The following ME1 variants were observed in gnomAD, a reference collection of about 807,000 sequenced individuals.
ME1 encodes malic enzyme 1, also known as NADP-dependent malic enzyme.
ME1 carries 74 observed loss-of-function variants against 66.4 expected under a neutral mutation model. The ratio of observed to expected loss-of-function variants is 1.11; its 90% CI spans 0.92 to 1.35. The LOEUF (loss-of-function observed/expected upper bound fraction) is 1.35, where lower values mean the gene tolerates loss of function less well. Ranked by LOEUF, ME1 falls within the 40% of genes most tolerant of loss-of-function variation. The probability of loss-of-function intolerance (pLI) is 0.00; values close to 1 mark genes in which losing one functional copy is unlikely to be tolerated. For synonymous variants in ME1, 251 were observed against 235.6 expected (o/e 1.07, Z -0.60); for missense variants, 750 against 694.1 (o/e 1.08, Z -0.90).
chr6:83,351,212 T>C (rs9444065), intron 4 of ME1, among the ~76,000 whole-genome samples: 8,858 of 152,056 alleles, frequency 0.058, 478 homozygotes, highest in African/African-American at 0.14. Context: ...CTGAGCAACA[T>C]AGTGGGACTT....
chr6:83,320,889 G>T (rs541663368), intron 5 of ME1, among the ~76,000 whole-genome samples: 1 of 152,264 alleles, frequency 6.6e-6, no homozygotes, highest in South Asian at 2.1e-4. Flanking sequence ...AACAGCTCCG[G>T]TCTGCAGCTC....
chr6:83,406,968 T>TCACACACACACACACACACACA (rs1769956244), intron 2 of ME1, among the ~76,000 whole-genome samples: 2 of 117,050 alleles, frequency 1.7e-5, no homozygotes, highest in Admixed American at 9.7e-5. Context: ...ATATTTTCAT[T>TCACACACACACACACACACACA]CATACACACA....
At chr6:83,342,982 C>A (rs2128543357) in intron 5 of ME1, among the ~76,000 whole-genome samples, 1 of 152,294 alleles carries the variant, frequency 6.6e-6, no homozygotes, top group Non-Finnish European at 1.5e-5. Context: ...CCACCCCCGG[C>A]CACCTTGCGT....
intron 12 of ME1, among the ~76,000 whole-genome samples, chr6:83,222,128 C>T (rs1790105916): frequency 6.6e-6 from 1 of 152,044 alleles, no homozygotes; most frequent in African/African-American, 2.4e-5. Flanking sequence ...TGCAGGTAAC[C>T]AAAACTCTGA....
intron 6 of ME1, among the ~76,000 whole-genome samples, chr6:83,294,709 C>A (rs1282128787): frequency 3.3e-5 from 5 of 152,182 alleles, no homozygotes; most frequent in African/African-American, 1.2e-4. Flanking sequence ...ACATCTCCAG[C>A]AAGCTGCAGT....
At chr6:83,216,451 A>T (rs754838498) in intron 13 of ME1, 47 bp downstream of exon 13, 1 of 1,291,710 alleles carries the variant, frequency 7.7e-7, no homozygotes, top group Non-Finnish European at 1.1e-6. Context: ...CATATTTAGC[A>T]AGAAAAGGAA....
intron 6 of ME1, among the ~76,000 whole-genome samples, chr6:83,284,747 T>C (rs1440923070): frequency 6.6e-6 from 1 of 152,140 alleles, no homozygotes; most frequent in African/African-American, 2.4e-5. Flanking sequence ...AACATCATAT[T>C]AAACTGACAA....
chr6:83,327,561 G>A (rs576349541), intron 5 of ME1, among the ~76,000 whole-genome samples: 9 of 152,160 alleles, frequency 5.9e-5, no homozygotes, highest in South Asian at 2.1e-4. Flanking sequence ...GGAAATTCCC[G>A]CCTAACAAAT....
intron 13 of ME1, among the ~76,000 whole-genome samples, chr6:83,216,071 A>C (rs1339930439): frequency 2.6e-5 from 4 of 152,294 alleles, no homozygotes; most frequent in Non-Finnish European, 5.9e-5. Context: ...GTGATCTGTC[A>C]TTTATGATGC....
intron 12 of ME1, among the ~76,000 whole-genome samples, chr6:83,221,621 T>C (rs1452010543): frequency 6.6e-6 from 1 of 152,130 alleles, no homozygotes; most frequent in Non-Finnish European, 1.5e-5. Flanking sequence ...CAGTAGGGCA[T>C]GTCTGTGGAA....
chr6:83,374,576 G>T (rs149775042), intron 3 of ME1, among the ~76,000 whole-genome samples: 2 of 152,038 alleles, frequency 1.3e-5, no homozygotes, highest in African/African-American at 4.8e-5. Flanking sequence ...AGTTTCTTTT[G>T]CTGTGCAGAA....
chr6:83,382,809 A>G (rs1323202497), intron 3 of ME1, among the ~76,000 whole-genome samples: 1 of 150,522 alleles, frequency 6.6e-6, no homozygotes, highest in Non-Finnish European at 1.5e-5. Flanking sequence ...AGATTGGTCT[A>G]GGAATATGTA....
intron 3 of ME1, among the ~76,000 whole-genome samples, chr6:83,374,396 C>T (rs907134561): frequency 6.6e-6 from 1 of 152,184 alleles, no homozygotes; most frequent in Non-Finnish European, 1.5e-5. Flanking sequence ...ACATAAATGT[C>T]TTCCTTTGAG....
chr6:83,333,914 T>C (rs185595395), intron 5 of ME1, among the ~76,000 whole-genome samples: 13 of 152,360 alleles, frequency 8.5e-5, no homozygotes, highest in African/African-American at 2.9e-4. Flanking sequence ...ATTTCTTTGC[T>C]TAGAAATGTG....
intron 7 of ME1, among the ~76,000 whole-genome samples, chr6:83,248,364 A>T (rs903921755): frequency 1.3e-5 from 2 of 152,226 alleles, no homozygotes; most frequent in African/African-American, 4.8e-5. Context: ...TGGCTGTTTT[A>T]GAGAACACTG....
chr6:83,407,815 A>G lies in ME1; in HGVS notation c.165T>C (p.Val55=), dbSNP rs763085724. 6 of 1,612,596 alleles carry G rather than the reference A, an allele frequency of 3.7e-6. No homozygotes were observed. In the Admixed American group the frequency reaches 1.0e-4, roughly 27 times the overall value. The change falls in exon 2 of 14, where the codon GTT becomes GTC. Residue 55 remains valine (V), a synonymous_variant. Coordinates refer to ENST00000369705, the MANE Select transcript of ME1 (RefSeq NM_002395.6). ...GCTCGAAATTTTTTACTACTCTAAG[A>G]ACCTGGATCTCCTGACTGTTGAAGG... is the stretch of plus-strand genomic sequence containing the variant. The part of the protein sequence containing the change: ...PPSFNSQEIQ[V]LRVVKNFEHL...
At chr6:83,405,031 T>C (rs916895284) in intron 2 of ME1, among the ~76,000 whole-genome samples, 45 of 152,342 alleles carry the variant, frequency 3.0e-4, no homozygotes, top group African/African-American at 4.8e-4. Flanking sequence ...TAGTTTTTTC[T>C]AATTCTGTGA....
rs946350716 is a variant in ME1, at chr6:83,401,336, AAAT to A, written c.213-2823_213-2821del. Among the ~76,000 whole-genome samples, 79 of 152,212 alleles carry A rather than the reference AAAT, an allele frequency of 5.2e-4. 1 individual carries two copies. Among genetic ancestry groups the A allele is most frequent in the African/African-American group, 1.7e-3 (71 of 41,518 alleles). On this transcript the variant is annotated intron_variant, in intron 2 of 13. Transcript: ENST00000369705. ...GGCAATAGAGTGAGACCCTTTCTCA[AAAT>A]AATAATAATTTTTAATAATTTATGT...
intron 1 of ME1, among the ~76,000 whole-genome samples, chr6:83,416,313 T>C (rs1770158555): frequency 6.6e-6 from 1 of 152,226 alleles, no homozygotes; most frequent in Admixed American, 6.5e-5. Flanking sequence ...GTCACTAATA[T>C]GCACATGCTA....
Sources: gnomAD v4.1 joint callset for allele counts (sites outside exome capture counted in the v4.1 genomes callset) on GRCh38, gnomAD v4.1.1 for gene constraint, MANE v1.5 for transcripts, NCBI Gene and HGNC (gene_info 2026-07-23, HGNC 2026-07-21) for gene names.